The following PHF11 variants were observed in gnomAD, a reference collection of about 807,000 sequenced individuals.
The protein encoded by PHF11 is PHD finger protein 11.
Under a neutral mutation model 40.5 loss-of-function variants are expected in PHF11, and 38 were observed. That is an observed-to-expected ratio of 0.94 (90% CI 0.72 to 1.23). PHF11 has a LOEUF of 1.23. Ranked by LOEUF, PHF11 falls within the 50% of genes most tolerant of loss-of-function variation. The pLI is 0.00. For synonymous variants in PHF11, 127 were observed against 138.2 expected (o/e 0.92, Z 0.57); for missense variants, 369 against 392.4 (o/e 0.94, Z 0.50).
chr13:49,501,099 C>A (rs1229527650), intron 1 of PHF11, among the ~76,000 whole-genome samples: 1 of 150,950 alleles, frequency 6.6e-6, no homozygotes, highest in Non-Finnish European at 1.5e-5. Flanking sequence ...CCGCAACCTC[C>A]ACCTCCCAGA....
At position 49,523,541 on chromosome 13, in the gene PHF11, C is replaced by A. The variant is rs1360086099; in HGVS notation, c.637+300C>A. ...CAATGTGTCACCCCTCACACTGTGA[C>A]CCCTGTAACTGTAGTTCTCTGTTCT... On this transcript the variant is annotated intron_variant, in intron 7 of 9. Transcript: ENST00000378319. 1.3e-5 allele frequency: 5 copies of A among 389,810 alleles called. No homozygotes were observed. In the Admixed American group the frequency reaches 1.4e-4, roughly 11 times the overall value. 24.1% of individuals were successfully genotyped at this position (389,810 alleles called of 1,614,324 possible).
chr13:49,506,583 T>C, intron 1 of PHF11, 52 bp from the exon 2 acceptor site: 1 of 1,585,096 alleles, frequency 6.3e-7, no homozygotes, highest in African/African-American at 1.3e-5. Context: ...GAGGAGTTAG[T>C]GAGACCAAGA....
chr13:49,525,595 TTATAAA>T lies in PHF11; in HGVS notation c.770-787_770-782del, dbSNP rs199519769. On this transcript the variant is annotated intron_variant, in intron 8 of 9. Transcript: ENST00000378319. The stretch of plus-strand genomic sequence containing the variant: ...ATATCCCATGAGTTTAAAACCTTTA[TTATAAA>T]TATAGTTATTTTACAAGGACAAGCT... Among the ~76,000 whole-genome samples, 983 of 152,272 alleles carry T rather than the reference TTATAAA, an allele frequency of 6.5e-3. 6 individuals are homozygous for T. Among genetic ancestry groups the T allele is most frequent in the African/African-American group, 0.022 (931 of 41,542 alleles).
At chr13:49,497,016 A>G (rs1377328047) in intron 1 of PHF11, 1 of 1,204,904 alleles carries the variant, frequency 8.3e-7, no homozygotes, top group Non-Finnish European at 1.1e-6. Context: ...TATTTTTAGT[A>G]GAGAGGGTTT....
chr13:49,504,494 G>A (rs112708623), intron 1 of PHF11, among the ~76,000 whole-genome samples: 3 of 63,960 alleles, frequency 4.7e-5, no homozygotes, highest in African/African-American at 1.2e-4. Context: ...CCGGCCAGCC[G>A]CCCCGTCCGG....
At chr13:49,518,197 A>G (rs1265065381) in intron 4 of PHF11, 46 bp downstream of exon 4, 6 of 1,389,044 alleles carry the variant, frequency 4.3e-6, no homozygotes, top group Non-Finnish European at 6.0e-6. Context: ...GGATTGGGAT[A>G]AGGAATGGTT....
chr13:49,521,460 T>C (rs1959187258), intron 5 of PHF11: 1 of 986,254 alleles, frequency 1.0e-6, no homozygotes, highest in African/African-American at 1.7e-5. Flanking sequence ...CAGGACCTCG[T>C]TGGAAGACTT....
At chr13:49,510,974 A>G (rs1360836981) in intron 2 of PHF11, among the ~76,000 whole-genome samples, 1 of 152,138 alleles carries the variant, frequency 6.6e-6, no homozygotes, top group Non-Finnish European at 1.5e-5. Context: ...GGTTTCCTCA[A>G]TGTTCTGTGC....
chr13:49,526,173 A>C, intron 8 of PHF11: 1 of 179,054 alleles, frequency 5.6e-6, no homozygotes, highest in South Asian at 5.2e-5. Flanking sequence ...TGTCTCAAAA[A>C]AAAAAAAAAA....
At chr13:49,514,760 A>AT (rs1204759860) in intron 3 of PHF11, among the ~76,000 whole-genome samples, 1 of 87,860 alleles carries the variant, frequency 1.1e-5, no homozygotes, top group African/African-American at 5.4e-5. Context: ...TCTGTCTCAA[A>AT]TTAAAAAAAA....
intron 2 of PHF11, 144 bp downstream of exon 2, chr13:49,506,900 T>TG (rs1220160449): frequency 3.5e-5 from 10 of 284,194 alleles, no homozygotes; most frequent in East Asian, 1.4e-4. Flanking sequence ...GAGCATTTCT[T>TG]TTTTTTTTTT....
intron 3 of PHF11, among the ~76,000 whole-genome samples, chr13:49,515,612 G>A (rs955518021): frequency 6.6e-6 from 1 of 151,770 alleles, no homozygotes; most frequent in African/African-American, 2.4e-5. Flanking sequence ...CCAACACCAA[G>A]CCCATGGGCA....
intron 2 of PHF11, among the ~76,000 whole-genome samples, chr13:49,509,392 G>C (rs112940531): frequency 6.6e-6 from 1 of 151,938 alleles, no homozygotes; most frequent in African/African-American, 2.4e-5. Context: ...TTTTGTATTT[G>C]TGGTAGAGAT....
At chr13:49,517,697 C>T (rs928251198) in intron 3 of PHF11, among the ~76,000 whole-genome samples, 2 of 152,166 alleles carry the variant, frequency 1.3e-5, no homozygotes, top group Admixed American at 6.5e-5. Context: ...GACAAGTTTG[C>T]CCACTCTGCT....
At chr13:49,508,230 TTGTGTTATGTATTAATATATTATTAA>T (rs1447503946) in intron 2 of PHF11, among the ~76,000 whole-genome samples, 20 of 124,968 alleles carry the variant, frequency 1.6e-4, no homozygotes, top group African/African-American at 5.9e-4. Flanking sequence ...TAATATATTA[TTGTGTTATGTATTAATATATTATTAA>T]TGTGTTATGT....
chr13:49,506,672 A>G lies in PHF11; in HGVS notation c.132A>G (p.Thr44=), dbSNP rs1172406274. Residue 44 remains threonine, a synonymous_variant, in exon 2 of 10, where the codon ACA becomes ACG. Transcript: ENST00000378319. ...FQVAEKMEKR[T]CALCPKDVEY... ...TTGCAGAAAAGATGGAAAAAAGGAC[A>G]TGTGCACTCTGCCCCAAAGATGTCG... The G allele has an allele frequency of 9.3e-6, 15 of 1,611,336 alleles. No homozygotes were observed. The East Asian group carries it at 2.9e-4, about 31-fold the overall frequency.
chr13:49,497,106 A>G, intron 1 of PHF11: 1 of 1,288,508 alleles, frequency 7.8e-7, no homozygotes, highest in Non-Finnish European at 1.0e-6. Context: ...CCCAGCAGAG[A>G]GGATGACACA....
In PHF11 at chr13:49,523,257, T is replaced by G; in HGVS notation, c.637+16T>G. The G allele has an allele frequency of 6.4e-7, 1 of 1,568,234 alleles. No individual in the cohort carries two copies. Among genetic ancestry groups the G allele is most frequent in the Non-Finnish European group, 8.8e-7 (1 of 1,138,614 alleles). The stretch of plus-strand genomic sequence containing the variant: ...AGACACACAGGTTTGCGCTAAGTGT[T>G]GTCTGTAACAAATATGGCCTACAAT... On this transcript the variant is annotated intron_variant, in intron 7 of 9. Coordinates refer to ENST00000378319, the MANE Select transcript of PHF11 (RefSeq NM_001040443.3).
At chr13:49,508,032 G>A (rs569733934) in intron 2 of PHF11, among the ~76,000 whole-genome samples, 48 of 150,744 alleles carry the variant, frequency 3.2e-4, no homozygotes, top group African/African-American at 1.2e-3. Flanking sequence ...GAATTGCATT[G>A]CATTTATAGA....
Sources: allele counts gnomAD v4.1 joint callset (sites outside exome capture counted in the v4.1 genomes callset), GRCh38; gene constraint gnomAD v4.1.1; transcripts MANE v1.5; gene names NCBI Gene and HGNC (gene_info 2026-07-23, HGNC 2026-07-21).